Variants in MPP7 observed in about 807,000 individuals in gnomAD.
MPP7 encodes MAGUK p55 scaffold protein 7.
Under a neutral mutation model 76.5 loss-of-function variants are expected in MPP7, and 60 were observed. That is an observed-to-expected ratio of 0.78 (90% CI 0.64 to 0.97). MPP7 has a LOEUF of 0.97. MPP7 is among the 50% of genes least tolerant of loss of function. The pLI, the probability that MPP7 is intolerant of heterozygous loss-of-function variation, is 0.00. For missense variants in MPP7, 641 were observed against 694.0 expected, an observed-to-expected ratio of 0.92 and a Z score of 0.86; for synonymous variants, 237 against 244.5, an observed-to-expected ratio of 0.97 and a Z score of 0.29.
intron 3 of MPP7, among the ~76,000 whole-genome samples, chr10:28,184,899 T>C (rs772375400): frequency 1.1e-3 from 165 of 147,240 alleles, no homozygotes; most frequent in Non-Finnish European, 2.1e-3. Flanking sequence ...ATAAAATAAG[T>C]TCTTTCAAAT....
At chr10:28,316,538 T>TA (rs1209179561) in intron 2 of MPP7, among the ~76,000 whole-genome samples, 1 of 149,494 alleles carries the variant, frequency 6.7e-6, no homozygotes, top group Non-Finnish European at 1.5e-5. Context: ...GCTGATTCAT[T>TA]AATTATAACA....
Position 28,278,653 on chromosome 10 carries a change from A to T in MPP7, c.-132+24208T>A, listed in dbSNP as rs1017720925. Among the ~76,000 whole-genome samples the T allele has an allele frequency of 1.0e-3, 156 of 152,102 alleles. 1 individual carries two copies. Among genetic ancestry groups the T allele is most frequent in the Non-Finnish European group, 2.1e-4 (14 of 68,034 alleles). The stretch of plus-strand genomic sequence containing the variant: ...TGTTAATGAACATGTAACACTGTAT[A>T]GGTCCTTAAGGAAATATTCATATAT... On this transcript the variant is annotated intron_variant, in intron 1 of 16. Coordinates refer to ENST00000683449, the MANE Select transcript of MPP7 (RefSeq NM_001318170.2).
At chr10:28,320,613 G>A (rs574758644) in intron 2 of MPP7, among the ~76,000 whole-genome samples, 1 of 152,146 alleles carries the variant, frequency 6.6e-6, no homozygotes, top group Non-Finnish European at 1.5e-5. Context: ...AACAGTGGAA[G>A]GGGGGTCAAC....
upstream of MPP7, among the ~76,000 whole-genome samples, chr10:28,303,144 T>C (rs1301841289): frequency 4.7e-5 from 7 of 150,220 alleles, no homozygotes; most frequent in Non-Finnish European, 9.0e-5. Flanking sequence ...AAGAGGGGCC[T>C]GCTGATAGGC....
intron 11 of MPP7, among the ~76,000 whole-genome samples, chr10:28,096,735 T>C (rs551177735): frequency 6.6e-6 from 1 of 152,300 alleles, no homozygotes; most frequent in Non-Finnish European, 1.5e-5. Flanking sequence ...AAAAAGTGGG[T>C]TGCACAGCTT....
In MPP7 at chr10:28,052,782, CA is replaced by C. The variant is rs1269343372; in HGVS notation, c.*1282del. On this transcript the variant is annotated 3_prime_UTR_variant, in exon 17 of 17. Coordinates refer to ENST00000683449, the MANE Select transcript of MPP7 (RefSeq NM_001318170.2). ...TCTTTACAAATCAACAAAAAAATAA[CA>C]TTTTTTTTTCCACTTTGAAAGTCAC... 2.0e-5 allele frequency: 3 copies of C among 151,828 alleles called. No homozygotes were observed. Among genetic ancestry groups the C allele is most frequent in the East Asian group, 1.9e-4 (1 of 5,186 alleles). 9.4% of individuals were successfully genotyped at this position (151,828 alleles called of 1,614,324 possible).
rs369124225 is a variant in MPP7, at chr10:28,246,472, C to T, written c.-131-7737G>A. On this transcript the variant is annotated intron_variant, in intron 1 of 16. Coordinates refer to ENST00000683449, the MANE Select transcript of MPP7 (RefSeq NM_001318170.2). Reference sequence around the variant, plus strand: ...AGTCTTTCAAGTCTAAATGAAAGAACGCTAGACGGCAACATGAAACCACAT... The same window carrying T: ...AGTCTTTCAAGTCTAAATGAAAGAATGCTAGACGGCAACATGAAACCACAT... 5.9e-5 allele frequency among the ~76,000 whole-genome samples: 9 copies of T among 152,242 alleles called. No homozygotes were observed. The East Asian group carries it at 9.6e-4, about 16-fold the overall frequency.
At chr10:28,265,371 G>T (rs1217195650) in intron 1 of MPP7, among the ~76,000 whole-genome samples, 3 of 152,074 alleles carry the variant, frequency 2.0e-5, no homozygotes, top group Non-Finnish European at 4.4e-5. Flanking sequence ...CCAGCCTGGG[G>T]AACTTGGCGA....
chr10:28,198,455 G>A (rs1314537647), intron 3 of MPP7, among the ~76,000 whole-genome samples: 1 of 151,850 alleles, frequency 6.6e-6, no homozygotes, highest in East Asian at 1.9e-4. Flanking sequence ...GACGGCTGCA[G>A]TCCCAGCTAC....
At chr10:28,328,329 G>T (rs1293462728) in intron 2 of MPP7, among the ~76,000 whole-genome samples, 1 of 152,138 alleles carries the variant, frequency 6.6e-6, no homozygotes, top group Non-Finnish European at 1.5e-5. Context: ...ATTAACTCTA[G>T]TATTCCCTCC....
chr10:28,162,541 C>T (rs1198390479), intron 3 of MPP7, among the ~76,000 whole-genome samples: 2 of 152,118 alleles, frequency 1.3e-5, no homozygotes, highest in Non-Finnish European at 2.9e-5. Flanking sequence ...ACCAAAGGAC[C>T]AAAGAACTCC....
At chr10:28,214,461 G>A (rs894807395) in intron 2 of MPP7, among the ~76,000 whole-genome samples, 1 of 152,094 alleles carries the variant, frequency 6.6e-6, no homozygotes, top group Non-Finnish European at 1.5e-5. Flanking sequence ...GGCGTGTTTC[G>A]GAAGCTGGCA....
chr10:28,110,399 A>G (rs1165054718), intron 11 of MPP7, among the ~76,000 whole-genome samples: 1 of 152,072 alleles, frequency 6.6e-6, no homozygotes, highest in African/African-American at 2.4e-5. Flanking sequence ...CTATATTTTT[A>G]AAGTTAAGAA....
At chr10:28,280,232 C>T (rs1840628329) in intron 1 of MPP7, 1 of 151,996 alleles carries the variant, frequency 6.6e-6, no homozygotes, top group Non-Finnish European at 1.5e-5. Flanking sequence ...TACAGTCGTT[C>T]CTCTGTATAT....
chr10:28,260,625 A>T (rs1839917096), intron 1 of MPP7, among the ~76,000 whole-genome samples: 1 of 151,960 alleles, frequency 6.6e-6, no homozygotes, highest in African/African-American at 2.4e-5. Context: ...TACAAAAATT[A>T]GCCAGACATG....
chr10:28,171,532 A>G (rs6481504), intron 3 of MPP7, among the ~76,000 whole-genome samples: 20,485 of 152,190 alleles, frequency 0.13, 2,070 homozygotes, highest in African/African-American at 0.28. Context: ...AAAAGTGAAA[A>G]TATGCTAAAC....
Position 28,053,378 on chromosome 10 carries a change from A to G in MPP7, c.*687T>C, listed in dbSNP as rs1489714728. 1.3e-5 allele frequency: 2 copies of G among 152,224 alleles called. No homozygotes were observed. Among genetic ancestry groups the G allele is most frequent in the Non-Finnish European group, 2.9e-5 (2 of 68,036 alleles). 9.4% of individuals were successfully genotyped at this position (152,224 alleles called of 1,614,324 possible). On this transcript the variant is annotated 3_prime_UTR_variant, in exon 17 of 17. Coordinates refer to ENST00000683449, the MANE Select transcript of MPP7 (RefSeq NM_001318170.2). ...GGAAAGGCTTTTCGTTACATATATA[A>G]TAACTGTTAAAAGTCTACTTTCCCT...
At chr10:28,127,774 G>A (rs1363782242) in intron 6 of MPP7, among the ~76,000 whole-genome samples, 2 of 152,168 alleles carry the variant, frequency 1.3e-5, no homozygotes, top group Non-Finnish European at 2.9e-5. Flanking sequence ...ACACTGTGGG[G>A]GTGTGAGGGG....
At chr10:28,135,761 TA>T (rs113733012) in intron 5 of MPP7, among the ~76,000 whole-genome samples, 56 of 151,740 alleles carry the variant, frequency 3.7e-4, no homozygotes, top group African/African-American at 1.3e-3. Flanking sequence ...TGATCTCACC[TA>T]AAAAAAAGCT....
Sources: allele counts gnomAD v4.1 joint callset (sites outside exome capture counted in the v4.1 genomes callset), GRCh38; gene constraint gnomAD v4.1.1; transcripts MANE v1.5; gene names NCBI Gene and HGNC (gene_info 2026-07-23, HGNC 2026-07-21).